Variants in ATG10 observed in about 807,000 individuals in gnomAD.
The protein encoded by ATG10 is ubiquitin-like-conjugating enzyme ATG10.
Under a neutral mutation model 32.1 loss-of-function variants are expected in ATG10, and 30 were observed. That is an observed-to-expected ratio of 0.94 (90% CI 0.70 to 1.27). The LOEUF is 1.27. Ranked by LOEUF, ATG10 falls within the 50% of genes most tolerant of loss-of-function variation. The pLI, the probability that ATG10 is intolerant of heterozygous loss-of-function variation, is 0.00. For missense variants in ATG10, 233 were observed against 262.3 expected (o/e 0.89, Z 0.77); for synonymous variants, 87 against 91.5 (o/e 0.95, Z 0.28).
chr5:82,077,267 G>A (rs974925631), intron 3 of ATG10, among the ~76,000 whole-genome samples: 1 of 152,170 alleles, frequency 6.6e-6, no homozygotes, highest in African/African-American at 2.4e-5. Context: ...AGATTGCAGT[G>A]AGCAGTGCAG....
chr5:82,164,324 C>G, intron 3 of ATG10, 75 bp from the exon 4 acceptor site: 838 of 1,161,046 alleles, frequency 7.2e-4, no homozygotes, highest in Non-Finnish European at 9.7e-4. Flanking sequence ...AGAAGAAAAT[C>G]TCCTCTTTTC....
intron 2 of ATG10, among the ~76,000 whole-genome samples, chr5:82,020,489 C>T (rs187387807): frequency 2.6e-5 from 4 of 152,246 alleles, no homozygotes; most frequent in East Asian, 1.9e-4. Flanking sequence ...CCATTCCAAA[C>T]GTAGTGACTT....
At chr5:82,011,341 A>G (rs1762122561) in intron 2 of ATG10, among the ~76,000 whole-genome samples, 1 of 152,092 alleles carries the variant, frequency 6.6e-6, no homozygotes, top group Non-Finnish European at 1.5e-5. Flanking sequence ...AAGTTGGCTT[A>G]CCTCTGCCCT....
At chr5:82,126,970 G>A (rs1204612376) in intron 3 of ATG10, among the ~76,000 whole-genome samples, 3 of 151,834 alleles carry the variant, frequency 2.0e-5, no homozygotes, top group Non-Finnish European at 4.4e-5. Flanking sequence ...CTTGTTATTG[G>A]TCTATTCAGG....
chr5:81,987,261 G>A (rs1314590673), intron 1 of ATG10, among the ~76,000 whole-genome samples: 1 of 152,048 alleles, frequency 6.6e-6, no homozygotes, highest in Non-Finnish European at 1.5e-5. Context: ...TAGATGAGAC[G>A]ACAGGTGCAC....
chr5:82,238,656 G>A (rs980390029), intron 5 of ATG10, among the ~76,000 whole-genome samples: 9 of 152,156 alleles, frequency 5.9e-5, no homozygotes, highest in African/African-American at 2.2e-4. Context: ...CATATAGAAT[G>A]TGCTCCATAA....
At chr5:82,145,448 GAT>G (rs1330265525) in intron 3 of ATG10, among the ~76,000 whole-genome samples, 1 of 151,784 alleles carries the variant, frequency 6.6e-6, no homozygotes, top group Non-Finnish European at 1.5e-5. Context: ...TGGTAATTAA[GAT>G]ATACATCCTT....
At chr5:81,993,436 T>C (rs1417861594) in intron 2 of ATG10, among the ~76,000 whole-genome samples, 1 of 144,426 alleles carries the variant, frequency 6.9e-6, no homozygotes. Context: ...TCCTTCTTTC[T>C]TTCTTTTTTT....
At chr5:82,132,335 T>C (rs1233120462) in intron 3 of ATG10, among the ~76,000 whole-genome samples, 3 of 151,964 alleles carry the variant, frequency 2.0e-5, no homozygotes, top group Non-Finnish European at 2.9e-5. Flanking sequence ...ACATGTGCCA[T>C]GGTGGTTTGC....
rs142322188 is a variant in ATG10, at chr5:82,091,066, G to C, written c.216+32464G>C. 8.5e-4 allele frequency among the ~76,000 whole-genome samples: 130 copies of C among 152,238 alleles called. 1 individual carries two copies. Among genetic ancestry groups the C allele is most frequent in the African/African-American group, 3.0e-3 (125 of 41,536 alleles). On this transcript the variant is annotated intron_variant, in intron 3 of 7. Coordinates refer to ENST00000282185, the MANE Select transcript of ATG10 (RefSeq NM_031482.5). ...AAAGATATTTGTAATTTTACAGAGAGCTTACTGACAGAAATGAATTTCTAC... is the reference window on the plus strand; with the variant it reads ...AAAGATATTTGTAATTTTACAGAGACCTTACTGACAGAAATGAATTTCTAC...
intron 2 of ATG10, among the ~76,000 whole-genome samples, chr5:82,014,193 A>G (rs1355918286): frequency 6.6e-6 from 1 of 152,152 alleles, no homozygotes; most frequent in Non-Finnish European, 1.5e-5. Context: ...GGTCTGAGAG[A>G]CAGTTTGTTA....
intron 3 of ATG10, among the ~76,000 whole-genome samples, chr5:82,128,498 C>G (rs565690638): frequency 2.5e-4 from 38 of 151,946 alleles, no homozygotes; most frequent in Non-Finnish European, 4.6e-4. Context: ...GACAAAATCT[C>G]TCAGCATTTG....
intron 3 of ATG10, among the ~76,000 whole-genome samples, chr5:82,060,435 C>A (rs1763729373): frequency 6.6e-6 from 1 of 151,984 alleles, no homozygotes; most frequent in Non-Finnish European, 1.5e-5. Context: ...AGTATATGAG[C>A]CCTTATTTAT....
chr5:82,180,074 C>A (rs947571615), intron 5 of ATG10, among the ~76,000 whole-genome samples: 5 of 152,110 alleles, frequency 3.3e-5, no homozygotes, highest in African/African-American at 1.2e-4. Context: ...ATCTTTTTAA[C>A]CACTGCTGTG....
intron 1 of ATG10, among the ~76,000 whole-genome samples, chr5:81,977,018 G>A (rs1760892279): frequency 6.6e-6 from 1 of 152,098 alleles, no homozygotes; most frequent in Admixed American, 6.6e-5. Flanking sequence ...TGGGACTACA[G>A]GCATGCACCA....
At chr5:82,062,140 AAG>A (rs1305938050) in intron 3 of ATG10, among the ~76,000 whole-genome samples, 1 of 152,052 alleles carries the variant, frequency 6.6e-6, no homozygotes, top group Non-Finnish European at 1.5e-5. Flanking sequence ...TGAATTCTAA[AAG>A]AGTTTATTTT....
chr5:82,059,403 C>G (rs1763699121), intron 3 of ATG10, among the ~76,000 whole-genome samples: 1 of 150,530 alleles, frequency 6.6e-6, no homozygotes, highest in Non-Finnish European at 1.5e-5. Context: ...CACACACACA[C>G]ACACTTTTTT....
chr5:82,044,344 C>A (rs1452351524), intron 2 of ATG10, among the ~76,000 whole-genome samples: 3 of 152,144 alleles, frequency 2.0e-5, no homozygotes, highest in Admixed American at 6.5e-5. Flanking sequence ...TACCTCCCAC[C>A]AGGCCCCTCC....
intron 3 of ATG10, among the ~76,000 whole-genome samples, chr5:82,063,641 C>T (rs892403872): frequency 2.0e-5 from 3 of 151,958 alleles, no homozygotes; most frequent in Non-Finnish European, 4.4e-5. Flanking sequence ...TACAGGCACC[C>T]ATCATCATGC....
Sources: gnomAD v4.1 joint callset for allele counts (sites outside exome capture counted in the v4.1 genomes callset) on GRCh38, gnomAD v4.1.1 for gene constraint, MANE v1.5 for transcripts, NCBI Gene and HGNC (gene_info 2026-07-23, HGNC 2026-07-21) for gene names.